The following PCDHGB6 variants were observed in gnomAD, a reference collection of about 807,000 sequenced individuals.
PCDHGB6 encodes the protein protocadherin gamma-B6.
A neutral mutation model predicts 59.1 loss-of-function variants in PCDHGB6; 51 were observed. That is an observed-to-expected ratio of 0.86 (90% CI 0.69 to 1.09). The LOEUF is 1.09. Among genes scored for constraint, PCDHGB6 ranks in the 50% least tolerant of loss-of-function variants. PCDHGB6 has a pLI of 0.00. For missense variants in PCDHGB6, 1,148 were observed against 1,205.1 expected (o/e 0.95, Z 0.70); for synonymous variants, 466 against 495.1 (o/e 0.94, Z 0.78).
intron 1 of PCDHGB6, chr5:141,423,157 G>T: frequency 1.9e-6 from 3 of 1,610,820 alleles, no homozygotes; most frequent in East Asian, 2.2e-5. Context: ...GCAGAGCCTC[G>T]TGGTGGCCGT....
At chr5:141,469,782 G>A (rs760985231) in intron 1 of PCDHGB6, among the ~76,000 whole-genome samples, 8 of 152,204 alleles carry the variant, frequency 5.3e-5, no homozygotes, top group African/African-American at 1.7e-4. Context: ...TTATTACAGC[G>A]TTATTTGTAA....
chr5:141,429,760 C>T (rs1036499079), intron 1 of PCDHGB6, among the ~76,000 whole-genome samples: 2 of 152,020 alleles, frequency 1.3e-5, no homozygotes, highest in Non-Finnish European at 2.9e-5. Context: ...AATTTTTTCC[C>T]TATATTTTGA....
At chr5:141,413,979 C>T in intron 1 of PCDHGB6, 1 of 1,613,394 alleles carries the variant, frequency 6.2e-7, no homozygotes, top group Non-Finnish European at 8.5e-7. Flanking sequence ...TGCTGACAGT[C>T]ACAGCCACCG....
intron 1 of PCDHGB6, chr5:141,439,898 C>T (rs1428014089): frequency 6.6e-6 from 1 of 152,344 alleles, no homozygotes; most frequent in African/African-American, 2.4e-5. Context: ...ACCAAGGCGA[C>T]TACTGCCTCC....
rs779250544 is a variant in PCDHGB6, at chr5:141,432,639, G to A, written c.2418+22019G>A. The A allele has an allele frequency of 1.2e-6, 2 of 1,613,816 alleles. No homozygotes were observed. Among genetic ancestry groups the A allele is most frequent in the Non-Finnish European group, 1.7e-6 (2 of 1,179,934 alleles). On this transcript the variant is annotated intron_variant, in intron 1 of 3. Coordinates refer to ENST00000520790, the MANE Select transcript of PCDHGB6 (RefSeq NM_018926.3). This position sits in a 1 kb window ranked among gnomAD's most constrained non-coding sequence, Gnocchi z 6.0. Reference sequence around the variant, plus strand: ...GTGGGTCTGCACACGGGCGAGGTGCGCACGGCGCGAGCCCTGCTGGACAGA... The same window carrying A: ...GTGGGTCTGCACACGGGCGAGGTGCACACGGCGCGAGCCCTGCTGGACAGA...
At chr5:141,462,896 A>G (rs1280422442) in intron 1 of PCDHGB6, among the ~76,000 whole-genome samples, 1 of 152,142 alleles carries the variant, frequency 6.6e-6, no homozygotes, top group African/African-American at 2.4e-5. Context: ...TTGTTTTGGA[A>G]GGCTATTATG....
intron 1 of PCDHGB6, chr5:141,439,852 G>A (rs182049678): frequency 1.3e-5 from 2 of 152,474 alleles, no homozygotes; most frequent in African/African-American, 4.8e-5. Context: ...CTGTGGAAAA[G>A]GTGGGGAATG....
chr5:141,491,438 G>T lies in PCDHGB6; in HGVS notation c.2419-3369G>T, dbSNP rs376927300. 3.7e-6 allele frequency: 6 copies of T among 1,613,948 alleles called. No homozygotes were observed. The African/African-American group carries it at 4.0e-5, about 11-fold the overall frequency. ...GGGGGTGGAGGGCAGTGCTGCAGGCGCCAGGACTCACCCTCCCCGGACTTC... is the reference window on the plus strand; with the variant it reads ...GGGGGTGGAGGGCAGTGCTGCAGGCTCCAGGACTCACCCTCCCCGGACTTC... On this transcript the variant is annotated intron_variant, in intron 1 of 3. Transcript: ENST00000520790. The surrounding 1 kb of genome is among the most constrained non-coding windows in gnomAD (Gnocchi z 6.9).
chr5:141,510,959 G>A lies in PCDHGB6; in HGVS notation c.2579G>A (p.Gly860Glu). 6.2e-7 allele frequency: 1 copy of A among 1,614,110 alleles called. No individual in the cohort carries two copies. Among genetic ancestry groups the A allele is most frequent in the Non-Finnish European group, 8.5e-7 (1 of 1,180,012 alleles). Residue 860 changes from glycine to glutamate, a missense_variant, in exon 4 of 4, where the codon GGG becomes GAG. Coordinates refer to ENST00000520790, the MANE Select transcript of PCDHGB6 (RefSeq NM_018926.3). ...TCTGTCTCTGCAGAAGCTGCTGATG[G>A]GAGCTCCACCCTGGGAGGGGGTGCC... ...ILASASEAADGSSTLGGGAGT... is the reference protein window; with the variant it reads ...ILASASEAADESSTLGGGAGT...
chr5:141,442,321 C>G (rs1323525940), intron 1 of PCDHGB6: 1 of 152,360 alleles, frequency 6.6e-6, no homozygotes, highest in African/African-American at 2.4e-5. Context: ...ATGTCTATCC[C>G]GCGCTAAGCC....
At chr5:141,481,323 C>T (rs539518691) in intron 1 of PCDHGB6, among the ~76,000 whole-genome samples, 1 of 152,284 alleles carries the variant, frequency 6.6e-6, no homozygotes, top group Non-Finnish European at 1.5e-5. Flanking sequence ...AAAGCACTAG[C>T]CCCTGGACAA....
chr5:141,509,873 G>C (rs2099878704), intron 3 of PCDHGB6, among the ~76,000 whole-genome samples: 1 of 152,196 alleles, frequency 6.6e-6, no homozygotes, highest in South Asian at 2.1e-4. Flanking sequence ...CAAGCTGCTG[G>C]TGGTGATGGT....
intron 2 of PCDHGB6, 36 bp from the exon 3 acceptor site, chr5:141,505,357 T>A (rs1026098450): frequency 6.2e-7 from 1 of 1,613,762 alleles, no homozygotes; most frequent in African/African-American, 1.3e-5. Context: ...TGTGCCGGCC[T>A]GGGAGTCTGT....
rs143767010 is a variant in PCDHGB6 at position 141,460,190 on chromosome 5, A to G, written c.2419-34617A>G. 3.2e-3 allele frequency among the ~76,000 whole-genome samples: 486 copies of G among 152,218 alleles called. 1 individual carries two copies. Among genetic ancestry groups the G allele is most frequent in the Non-Finnish European group, 4.9e-3 (336 of 68,006 alleles). ...TTTTGTGGATATTTTATCCCAGACTATGACTTGTCTTTTCATTTTCTTAGT... is the reference window on the plus strand; with the variant it reads ...TTTTGTGGATATTTTATCCCAGACTGTGACTTGTCTTTTCATTTTCTTAGT... On this transcript the variant is annotated intron_variant, in intron 1 of 3. Coordinates refer to ENST00000520790, the MANE Select transcript of PCDHGB6 (RefSeq NM_018926.3).
rs1025148587 is a variant in PCDHGB6 at position 141,431,434 on chromosome 5, C to A, written c.2418+20814C>A. ...GGGGCGACCCGGTGCGCACAGGCAC[C>A]GCGCGCATCCGCGTGATGGTTCTGG... On this transcript the variant is annotated intron_variant, in intron 1 of 3. Transcript: ENST00000520790. This position sits in a 1 kb window ranked among gnomAD's most constrained non-coding sequence, Gnocchi z 4.8. 1.2e-6 allele frequency: 2 copies of A among 1,613,690 alleles called. No homozygotes were observed. Among genetic ancestry groups the A allele is most frequent in the Admixed American group, 1.7e-5 (1 of 60,014 alleles).
chr5:141,484,907 C>T, intron 1 of PCDHGB6: 1 of 409,994 alleles, frequency 2.4e-6, no homozygotes, highest in Non-Finnish European at 4.3e-6. Context: ...AATGCTGCGA[C>T]GCATTAACCC....
intron 1 of PCDHGB6, chr5:141,478,043 A>G (rs1399496347): frequency 7.4e-6 from 12 of 1,613,710 alleles, no homozygotes; most frequent in Non-Finnish European, 1.0e-5. Flanking sequence ...ACCCAGGCAG[A>G]CTCTCACGGT....
chr5:141,421,222 C>G, intron 1 of PCDHGB6: 2 of 1,576,946 alleles, frequency 1.3e-6, no homozygotes, highest in Non-Finnish European at 1.7e-6. Flanking sequence ...CGGCTTAGAG[C>G]CTGCCATGGC....
rs1158395811 is a variant in PCDHGB6, at chr5:141,476,020, T to TCGGCGCC, written c.2419-18785_2419-18779dup. The stretch of plus-strand genomic sequence containing the variant: ...CGGCATCCAGAAAGCCATGTCGGAC[T>TCGGCGCC]CGGCGCCCAGCGCCCAAGCGCTAAC... On this transcript the variant is annotated intron_variant, in intron 1 of 3. Transcript: ENST00000520790. The surrounding 1 kb of genome is among the most constrained non-coding windows in gnomAD (Gnocchi z 7.6). 2.1e-6 allele frequency: 3 copies of TCGGCGCC among 1,398,716 alleles called. No homozygotes were observed. The African/African-American group carries it at 4.3e-5, about 20-fold the overall frequency. The allele number at this position is 1,398,716 out of a possible 1,614,324, so 86.6% of individuals were successfully genotyped here. A position where few individuals can be genotyped will look rare whatever the true frequency, so the allele number is the denominator to read the frequency against.
Sources: allele counts gnomAD v4.1 joint callset (sites outside exome capture counted in the v4.1 genomes callset), GRCh38; gene constraint gnomAD v4.1.1; non-coding constraint Gnocchi (gnomAD v3.1); transcripts MANE v1.5; gene names NCBI Gene and HGNC (gene_info 2026-07-23, HGNC 2026-07-21).